Variants in CAP2 observed in about 807,000 individuals in gnomAD.
CAP2 encodes cyclase associated actin cytoskeleton regulatory protein 2, also known as adenylyl cyclase-associated protein 2.
In CAP2, 24 loss-of-function variants were observed where a neutral mutation model predicts 57.7. That is an observed-to-expected ratio of 0.42 (90% CI 0.30 to 0.58). The LOEUF (loss-of-function observed/expected upper bound fraction) is 0.58. Ranked by LOEUF, CAP2 falls within the 20% of genes least tolerant of loss-of-function variation. The pLI is 0.22. For missense variants in CAP2, 501 were observed against 590.3 expected, an observed-to-expected ratio of 0.85 and a Z score of 1.57; for synonymous variants, 194 against 207.2, an observed-to-expected ratio of 0.94 and a Z score of 0.55.
At chr6:17,529,972 A>T (rs867851778) in intron 7 of CAP2, among the ~76,000 whole-genome samples, 88 of 151,004 alleles carry the variant, frequency 5.8e-4, no homozygotes, top group Middle Eastern at 6.8e-3. Context: ...TGGGCAACAT[A>T]GTGAGACCAA....
chr6:17,541,253 G>T (rs4716155), intron 9 of CAP2, 105 bp downstream of exon 9: 452,398 of 839,898 alleles, frequency 0.54, 121,531 homozygotes, highest in African/African-American at 0.56. Context: ...TTTAATTTTT[G>T]TATTGGTACA....
intron 7 of CAP2, among the ~76,000 whole-genome samples, chr6:17,526,602 T>C (rs2113681961): frequency 6.6e-6 from 1 of 152,196 alleles, no homozygotes; most frequent in South Asian, 2.1e-4. Flanking sequence ...ACTGTTTTCT[T>C]AAAAAGGGAA....
intron 7 of CAP2, among the ~76,000 whole-genome samples, chr6:17,520,903 A>G (rs1326635650): frequency 6.6e-6 from 1 of 152,228 alleles, no homozygotes; most frequent in Non-Finnish European, 1.5e-5. Context: ...ATCAAAGTGA[A>G]TGGGCAGCGC....
chr6:17,397,694 C>CAAAA lies in CAP2; in HGVS notation c.-2+3968_-2+3971dup, dbSNP rs554131865. Among the ~76,000 whole-genome samples, 37 of 70,594 alleles carry CAAAA rather than the reference C, an allele frequency of 5.2e-4. 2 individuals are homozygous for CAAAA. Among genetic ancestry groups the CAAAA allele is most frequent in the African/African-American group, 1.0e-3 (20 of 19,994 alleles). 46.3% of individuals were successfully genotyped at this position (70,594 alleles called of 152,430 possible). A position where few individuals can be genotyped will look rare whatever the true frequency, so the allele number is the denominator to read the frequency against. ...TGGGCGACAGAGCGAGACTCCATAT[C>CAAAA]AAAAAAAAAAAAAAAAAAAAAAAGA... is the stretch of plus-strand genomic sequence containing the variant. On this transcript the variant is annotated intron_variant, in intron 1 of 12. Transcript: ENST00000229922.
chr6:17,513,733 G>A lies in CAP2; in HGVS notation c.531-116G>A, dbSNP rs1762208321. ...TTCACGGTGCCTGGGTTGCAAGGAC[G>A]ATTGCTCCGGGCTCCAGGGCCCCTA... On this transcript the variant is annotated intron_variant, in intron 6 of 12. Transcript: ENST00000229922. The surrounding 1 kb of genome is among the most constrained non-coding windows in gnomAD (Gnocchi z 4.3). The A allele has an allele frequency of 5.8e-6, 4 of 694,132 alleles. No individual in the cohort carries two copies. The highest frequency in any genetic ancestry group is 2.7e-5 in the East Asian group (1 of 37,096). The allele number at this position is 694,132 out of a possible 1,614,324, so 43.0% of individuals were successfully genotyped here.
At chr6:17,462,788 T>C (rs1358666801) in intron 3 of CAP2, among the ~76,000 whole-genome samples, 1 of 152,256 alleles carries the variant, frequency 6.6e-6, no homozygotes, top group Admixed American at 6.5e-5. Flanking sequence ...ACATTTTGTT[T>C]ATTGGTTCAT....
intron 4 of CAP2, among the ~76,000 whole-genome samples, chr6:17,466,659 T>C (rs1760872219): frequency 6.6e-6 from 1 of 152,186 alleles, no homozygotes; most frequent in African/African-American, 2.4e-5. Flanking sequence ...TCTAACAGGC[T>C]CCCCGGCGAT....
intron 7 of CAP2, among the ~76,000 whole-genome samples, chr6:17,537,316 A>G (rs1419037498): frequency 6.6e-6 from 1 of 152,038 alleles, no homozygotes; most frequent in East Asian, 1.9e-4. Flanking sequence ...CCTCCGCAGT[A>G]GCTGGGACTA....
At chr6:17,439,104 C>A (rs1034380424) in intron 3 of CAP2, among the ~76,000 whole-genome samples, 4 of 150,564 alleles carry the variant, frequency 2.7e-5, no homozygotes, top group Non-Finnish European at 5.9e-5. Context: ...GAGCGAGACT[C>A]TGTCTTAAAA....
At chr6:17,500,368 T>TATATATATATATATATTTGGAG (rs1761783973) in intron 4 of CAP2, among the ~76,000 whole-genome samples, 2 of 105,280 alleles carry the variant, frequency 1.9e-5, no homozygotes, top group African/African-American at 8.1e-5. Context: ...TATATATATA[T>TATATATATATATATATTTGGAG]ATATATATAT....
At chr6:17,552,603 G>A (rs1265266544) in intron 12 of CAP2, among the ~76,000 whole-genome samples, 1 of 152,226 alleles carries the variant, frequency 6.6e-6, no homozygotes, top group East Asian at 1.9e-4. Context: ...TTGCATTCCA[G>A]CCGGGGCGAC....
chr6:17,501,240 T>C (rs1296980474), intron 4 of CAP2, among the ~76,000 whole-genome samples: 2 of 152,176 alleles, frequency 1.3e-5, no homozygotes, highest in East Asian at 1.9e-4. Flanking sequence ...AAAGTAATTA[T>C]TATTATTTCT....
chr6:17,542,842 C>T lies in CAP2; in HGVS notation c.1008C>T (p.Tyr336=). 6.2e-7 allele frequency: 1 copy of T among 1,609,862 alleles called. No homozygotes were observed. The highest frequency in any genetic ancestry group is 8.5e-7 in the Non-Finnish European group (1 of 1,177,174). Residue 336 remains tyrosine (Y), a synonymous_variant, in exon 10 of 13, where the codon TAC becomes TAT. Coordinates refer to ENST00000229922, the MANE Select transcript of CAP2 (RefSeq NM_006366.3). Reference sequence around the variant, plus strand: ...TGTATTTGTCTTAATTCTAGGAGTACCAAGAGGACAGGAATGACCTTGTGA... The same window carrying T: ...TGTATTTGTCTTAATTCTAGGAGTATCAAGAGGACAGGAATGACCTTGTGA... The part of the protein sequence containing the change: ...ELEGKKWRVE[Y]QEDRNDLVIS...
chr6:17,476,576 A>C (rs549731239), intron 4 of CAP2, among the ~76,000 whole-genome samples: 11 of 152,206 alleles, frequency 7.2e-5, no homozygotes, highest in Non-Finnish European at 1.5e-4. Flanking sequence ...AAAGAATCAC[A>C]GCATTCTGAG....
chr6:17,486,143 G>A (rs1761413746), intron 4 of CAP2, among the ~76,000 whole-genome samples: 1 of 150,958 alleles, frequency 6.6e-6, no homozygotes, highest in Non-Finnish European at 1.5e-5. Context: ...CTTGGAGTTT[G>A]AGGCCAGACT....
intron 1 of CAP2, among the ~76,000 whole-genome samples, chr6:17,400,461 A>T (rs890616256): frequency 6.6e-6 from 1 of 152,232 alleles, no homozygotes; most frequent in Admixed American, 6.5e-5. Flanking sequence ...GGAAGATAGA[A>T]TGAATAGAAG....
chr6:17,511,257 G>T (rs1762140313), intron 6 of CAP2, among the ~76,000 whole-genome samples: 1 of 152,108 alleles, frequency 6.6e-6, no homozygotes, highest in Non-Finnish European at 1.5e-5. Context: ...CCCATTTACC[G>T]GTGGACTCAA....
chr6:17,482,507 C>CAAAAAAAAAA (rs60053497), intron 4 of CAP2, among the ~76,000 whole-genome samples: 3 of 70,816 alleles, frequency 4.2e-5, no homozygotes, highest in African/African-American at 5.0e-5. Context: ...GACTCCATCT[C>CAAAAAAAAAA]AAAAAAAAAA....
At chr6:17,529,640 C>CAAAAAAAAAA (rs1554129487) in intron 7 of CAP2, among the ~76,000 whole-genome samples, 90 of 117,272 alleles carry the variant, frequency 7.7e-4, no homozygotes, top group African/African-American at 2.7e-3. Context: ...GACTCCGTCT[C>CAAAAAAAAAA]AAAAAAAAAA....
Sources: gnomAD v4.1 joint callset for allele counts (sites outside exome capture counted in the v4.1 genomes callset) on GRCh38, gnomAD v4.1.1 for gene constraint, Gnocchi (gnomAD v3.1) non-coding constraint, MANE v1.5 for transcripts, NCBI Gene and HGNC (gene_info 2026-07-23, HGNC 2026-07-21) for gene names.